The following PKNOX2 variants were observed in gnomAD, a reference collection of about 807,000 sequenced individuals.
PKNOX2 encodes PBX/knotted 1 homeobox 2.
A neutral mutation model predicts 53.1 loss-of-function variants in PKNOX2; 14 were observed. The ratio of observed to expected loss-of-function variants is 0.26; its 90% CI spans 0.17 to 0.41. The LOEUF is 0.41. Among genes scored for constraint, PKNOX2 ranks in the 10% least tolerant of loss-of-function variants. The pLI, the probability that PKNOX2 is intolerant of heterozygous loss-of-function variation, is 1.00. For missense variants in PKNOX2, 496 were observed against 602.8 expected (o/e 0.82, Z 1.85); for synonymous variants, 257 against 242.8 (o/e 1.06, Z -0.54).
chr11:125,347,658 G>A (rs1430798586), intron 3 of PKNOX2, among the ~76,000 whole-genome samples: 1 of 152,084 alleles, frequency 6.6e-6, no homozygotes, highest in Non-Finnish European at 1.5e-5. Context: ...CTGCCTCGGT[G>A]GCTCCTGGGC....
At chr11:125,269,164 C>T (rs543892625) in intron 2 of PKNOX2, among the ~76,000 whole-genome samples, 2 of 152,272 alleles carry the variant, frequency 1.3e-5, no homozygotes, top group South Asian at 4.1e-4. Context: ...AATATTTAAA[C>T]TTTCTGTACT....
intron 1 of PKNOX2, among the ~76,000 whole-genome samples, chr11:125,226,628 C>T (rs1941720070): frequency 2.0e-5 from 3 of 152,002 alleles, no homozygotes; most frequent in Admixed American, 2.0e-4. Context: ...ATCTCTTTCT[C>T]TTCCTCCTAT....
At chr11:125,408,602 T>TA (rs1206072295) in intron 7 of PKNOX2, among the ~76,000 whole-genome samples, 6 of 151,458 alleles carry the variant, frequency 4.0e-5, no homozygotes, top group East Asian at 1.9e-4. Context: ...CCCAGGAGAG[T>TA]AAAAAAAGGC....
chr11:125,314,458 C>T (rs574825498), intron 2 of PKNOX2, among the ~76,000 whole-genome samples: 7 of 152,148 alleles, frequency 4.6e-5, no homozygotes, highest in African/African-American at 1.4e-4. Context: ...CCAGATGGCC[C>T]GGCAGTTTCT....
chr11:125,389,754 G>A (rs1056712800), intron 6 of PKNOX2, among the ~76,000 whole-genome samples: 4 of 152,334 alleles, frequency 2.6e-5, no homozygotes, highest in African/African-American at 4.8e-5. Flanking sequence ...ATTTCAAACC[G>A]TGGCTGTAAA....
At chr11:125,384,482 G>A (rs953872365) in intron 5 of PKNOX2, among the ~76,000 whole-genome samples, 4 of 152,232 alleles carry the variant, frequency 2.6e-5, no homozygotes, top group East Asian at 1.9e-4. Flanking sequence ...TCAGGAGATC[G>A]AGACCATCCT....
At chr11:125,376,086 C>T (rs1433960761) in intron 5 of PKNOX2, among the ~76,000 whole-genome samples, 2 of 152,138 alleles carry the variant, frequency 1.3e-5, no homozygotes, top group African/African-American at 2.4e-5. Context: ...TTTAATGTGC[C>T]GGGAGGAGTG....
intron 10 of PKNOX2, among the ~76,000 whole-genome samples, chr11:125,414,992 C>T (rs927277146): frequency 5.9e-5 from 9 of 152,046 alleles, no homozygotes; most frequent in East Asian, 1.9e-4. Context: ...ATCATTTGAC[C>T]GTAAGAGTAA....
intron 6 of PKNOX2, among the ~76,000 whole-genome samples, chr11:125,390,299 A>G (rs528909969): frequency 1.0e-3 from 157 of 152,352 alleles, no homozygotes; most frequent in African/African-American, 3.5e-3. Context: ...AGTCACCATC[A>G]TGCAGCTGGT....
chr11:125,189,105 CTCTT>C (rs928458506), intron 1 of PKNOX2, among the ~76,000 whole-genome samples: 4 of 151,564 alleles, frequency 2.6e-5, no homozygotes, highest in Admixed American at 1.3e-4. Flanking sequence ...GTTGACTTTC[CTCTT>C]TCTTTTGTTC....
chr11:125,380,125 C>T (rs571279495), intron 5 of PKNOX2, among the ~76,000 whole-genome samples: 36 of 152,308 alleles, frequency 2.4e-4, no homozygotes, highest in African/African-American at 8.4e-4. Context: ...CCTGTGTCCG[C>T]GCTCCTGGGG....
At chr11:125,253,306 G>A (rs894625790) in intron 2 of PKNOX2, among the ~76,000 whole-genome samples, 1 of 152,128 alleles carries the variant, frequency 6.6e-6, no homozygotes, top group African/African-American at 2.4e-5. Context: ...CTGTCATAAA[G>A]AGGAGGAAAC....
At chr11:125,291,778 T>C (rs1156326874) in intron 2 of PKNOX2, among the ~76,000 whole-genome samples, 1 of 152,166 alleles carries the variant, frequency 6.6e-6, no homozygotes, top group African/African-American at 2.4e-5. Context: ...GGATGAACCT[T>C]AAAAACATAT....
At chr11:125,309,672 G>A (rs1948687051) in intron 2 of PKNOX2, among the ~76,000 whole-genome samples, 2 of 152,128 alleles carry the variant, frequency 1.3e-5, no homozygotes, top group Admixed American at 6.5e-5. Context: ...ACAGGCGTGA[G>A]CGACTGTGCC....
chr11:125,290,285 G>A (rs765192944), intron 2 of PKNOX2, among the ~76,000 whole-genome samples: 13 of 152,222 alleles, frequency 8.5e-5, no homozygotes, highest in Non-Finnish European at 1.6e-4. Context: ...CTGGTGGAGC[G>A]GAGCCGGCCT....
intron 3 of PKNOX2, among the ~76,000 whole-genome samples, chr11:125,343,272 G>A (rs1330314905): frequency 6.6e-6 from 1 of 152,166 alleles, no homozygotes; most frequent in Non-Finnish European, 1.5e-5. Flanking sequence ...CTTTCCAGCA[G>A]ACAGGACCCA....
At chr11:125,376,790 C>T (rs970934318) in intron 5 of PKNOX2, among the ~76,000 whole-genome samples, 2 of 152,132 alleles carry the variant, frequency 1.3e-5, no homozygotes, top group Non-Finnish European at 2.9e-5. Flanking sequence ...ATGTGGTCAC[C>T]GACTGGAGGA....
At chr11:125,394,531 A>G (rs900572202) in intron 6 of PKNOX2, among the ~76,000 whole-genome samples, 3 of 152,228 alleles carry the variant, frequency 2.0e-5, no homozygotes, top group Non-Finnish European at 4.4e-5. Context: ...AGCCCAGGGA[A>G]TGTGGGCTCC....
rs1384847083 is a variant in PKNOX2 at position 125,290,497 on chromosome 11, G to T, written c.-129-41322G>T. ...ACTATGATAAAGGAATGAATAAATG[G>T]GTGAGTGAGTGAGGGCTTGACCGTG... On this transcript the variant is annotated intron_variant, in intron 2 of 12. Transcript: ENST00000298282. Among the ~76,000 whole-genome samples the T allele has an allele frequency of 2.0e-5, 3 of 152,314 alleles. No homozygotes were observed. The East Asian group carries it at 5.8e-4, about 29-fold the overall frequency.
Sources: gnomAD v4.1 joint callset for allele counts (sites outside exome capture counted in the v4.1 genomes callset) on GRCh38, gnomAD v4.1.1 for gene constraint, MANE v1.5 for transcripts, NCBI Gene and HGNC (gene_info 2026-07-23, HGNC 2026-07-21) for gene names.